The following CERS6 variants were observed in gnomAD, a reference collection of about 807,000 sequenced individuals.
CERS6 encodes the protein LAG1 homolog, ceramide synthase 6.
In CERS6, 26 loss-of-function variants were observed where a neutral mutation model predicts 56.8. That is an observed-to-expected ratio of 0.46 (90% confidence interval 0.34 to 0.63). The LOEUF is 0.63. Ranked by LOEUF, CERS6 falls within the 30% of genes least tolerant of loss-of-function variation. The pLI is 0.01. For missense variants in CERS6, 415 were observed against 467.5 expected (o/e 0.89, Z 1.04); for synonymous variants, 164 against 173.3 (o/e 0.95, Z 0.42).
intron 3 of CERS6, among the ~76,000 whole-genome samples, chr2:168,629,347 G>C (rs981486142): frequency 3.9e-5 from 6 of 151,980 alleles, no homozygotes; most frequent in African/African-American, 1.2e-4. Flanking sequence ...GCCTCCAGGG[G>C]CCAGACAAGG....
At chr2:168,601,830 A>G (rs975556797) in intron 3 of CERS6, among the ~76,000 whole-genome samples, 2 of 152,170 alleles carry the variant, frequency 1.3e-5, no homozygotes, top group Non-Finnish European at 2.9e-5. Flanking sequence ...GATTACAGGC[A>G]TGAGCCACCT....
At chr2:168,583,491 C>T (rs1018907451) in intron 3 of CERS6, among the ~76,000 whole-genome samples, 1 of 152,164 alleles carries the variant, frequency 6.6e-6, no homozygotes, top group East Asian at 1.9e-4. Context: ...CTTTCTCTTT[C>T]GAATTTGAGG....
intron 2 of CERS6, among the ~76,000 whole-genome samples, chr2:168,553,416 A>G (rs1047651274): frequency 6.6e-6 from 1 of 152,202 alleles, no homozygotes; most frequent in Non-Finnish European, 1.5e-5. Context: ...AAAACTTAAC[A>G]TTGTTAAAGT....
At chr2:168,558,552 T>G (rs957312782) in intron 2 of CERS6, among the ~76,000 whole-genome samples, 4 of 152,268 alleles carry the variant, frequency 2.6e-5, no homozygotes, top group African/African-American at 7.2e-5. Context: ...TCAAGTTTGC[T>G]TATATTTGTG....
chr2:168,577,459 C>T (rs73022594), intron 3 of CERS6, among the ~76,000 whole-genome samples: 1,913 of 152,054 alleles, frequency 0.013, 43 homozygotes, highest in African/African-American at 0.043. Context: ...AGAGAATAGT[C>T]ATTAGAGGAG....
intron 4 of CERS6, among the ~76,000 whole-genome samples, chr2:168,643,782 C>G (rs1310701404): frequency 6.6e-6 from 1 of 152,182 alleles, no homozygotes; most frequent in Non-Finnish European, 1.5e-5. Context: ...TTCGCCTTCT[C>G]TTTTGTAGTC....
intron 1 of CERS6, among the ~76,000 whole-genome samples, chr2:168,481,669 T>G (rs1297972984): frequency 6.6e-6 from 1 of 152,212 alleles, no homozygotes; most frequent in Non-Finnish European, 1.5e-5. Context: ...CCAATGTTTC[T>G]TTTGACTTTA....
intron 9 of CERS6, chr2:168,766,208 A>C: frequency 1.1e-6 from 1 of 937,904 alleles, no homozygotes; most frequent in Non-Finnish European, 1.7e-6. Flanking sequence ...GTTGATTCGA[A>C]TAAAGCTTCC....
At chr2:168,737,393 G>T (rs1407437665) in intron 8 of CERS6, among the ~76,000 whole-genome samples, 1 of 152,172 alleles carries the variant, frequency 6.6e-6, no homozygotes, top group Non-Finnish European at 1.5e-5. Context: ...ATTCTGCGGC[G>T]TCCTTTTGAA....
At chr2:168,502,686 C>G (rs1264774771) in intron 1 of CERS6, among the ~76,000 whole-genome samples, 1 of 152,226 alleles carries the variant, frequency 6.6e-6, no homozygotes, top group Non-Finnish European at 1.5e-5. Flanking sequence ...AAAGGCACAT[C>G]TGCTGTCTAT....
chr2:168,558,678 G>A (rs910948797), intron 2 of CERS6, among the ~76,000 whole-genome samples: 5 of 152,142 alleles, frequency 3.3e-5, no homozygotes, highest in African/African-American at 4.8e-5. Context: ...GACCATCCTG[G>A]CTAACACAGT....
At chr2:168,460,098 TC>T (rs1412219370) in intron 1 of CERS6, among the ~76,000 whole-genome samples, 2 of 152,248 alleles carry the variant, frequency 1.3e-5, no homozygotes, top group Admixed American at 6.5e-5. Flanking sequence ...CTTATTGTTT[TC>T]ACCCTCCTGA....
intron 3 of CERS6, among the ~76,000 whole-genome samples, chr2:168,616,326 T>A (rs1014747907): frequency 1.3e-5 from 2 of 151,432 alleles, no homozygotes; most frequent in South Asian, 2.1e-4. Flanking sequence ...GAAAAAAAAA[T>A]AAAAATCCAA....
chr2:168,495,517 C>T (rs1022141243), intron 1 of CERS6, among the ~76,000 whole-genome samples: 4 of 152,166 alleles, frequency 2.6e-5, no homozygotes, highest in Admixed American at 2.6e-4. Flanking sequence ...AAACGCAAAC[C>T]TGTTAAGACA....
intron 9 of CERS6, among the ~76,000 whole-genome samples, chr2:168,768,799 G>A (rs896426077): frequency 2.0e-5 from 3 of 151,306 alleles, no homozygotes; most frequent in African/African-American, 4.9e-5. Flanking sequence ...CTAGCTACTC[G>A]GGAGGCTAAG....
At chr2:168,549,634 AAAAC>A (rs1166184060) in intron 2 of CERS6, among the ~76,000 whole-genome samples, 5 of 152,308 alleles carry the variant, frequency 3.3e-5, no homozygotes, top group African/African-American at 7.2e-5. Context: ...ACTCTGTCTC[AAAAC>A]AAACAAACAA....
At chr2:168,552,379 CACA>C (rs1340192516) in intron 2 of CERS6, among the ~76,000 whole-genome samples, 1 of 122,172 alleles carries the variant, frequency 8.2e-6, no homozygotes, top group Non-Finnish European at 1.9e-5. Flanking sequence ...CACACACACA[CACA>C]CACACACACT....
intron 1 of CERS6, among the ~76,000 whole-genome samples, chr2:168,495,862 A>G (rs1694457976): frequency 1.3e-5 from 2 of 152,232 alleles, no homozygotes; most frequent in East Asian, 1.9e-4. Flanking sequence ...ATTTATGTAC[A>G]TTTGTCTGCT....
intron 2 of CERS6, among the ~76,000 whole-genome samples, chr2:168,553,278 G>A (rs55829851): frequency 6.6e-6 from 1 of 152,098 alleles, no homozygotes; most frequent in Non-Finnish European, 1.5e-5. Flanking sequence ...TTAAGGAAAA[G>A]CAAAATAAAA....
Sources: gnomAD v4.1 joint callset for allele counts (sites outside exome capture counted in the v4.1 genomes callset) on GRCh38, gnomAD v4.1.1 for gene constraint, MANE v1.5 for transcripts, NCBI Gene and HGNC (gene_info 2026-07-23, HGNC 2026-07-21) for gene names.